The following ELP4 variants were observed in gnomAD, a reference collection of about 807,000 sequenced individuals.
ELP4 encodes elongator complex protein 4.
In ELP4, 51 loss-of-function variants were observed where a neutral mutation model predicts 48.9. The ratio of observed to expected loss-of-function variants is 1.04; its 90% CI spans 0.83 to 1.32. The LOEUF is 1.32. Ranked by LOEUF, ELP4 falls within the 40% of genes most tolerant of loss-of-function variation. ELP4 has a pLI of 0.00. For synonymous variants in ELP4, 210 were observed against 189.2 expected (o/e 1.11, Z -0.90); for missense variants, 519 against 514.6 (o/e 1.01, Z -0.08).
chr11:31,718,019 ACTC>A (rs1946877721), intron 9 of ELP4, among the ~76,000 whole-genome samples: 1 of 151,898 alleles, frequency 6.6e-6, no homozygotes, highest in South Asian at 2.1e-4. Flanking sequence ...CTGGTCTCAA[ACTC>A]CTCAACTCAA....
At chr11:31,742,653 C>T (rs571729649) in intron 9 of ELP4, among the ~76,000 whole-genome samples, 30 of 152,264 alleles carry the variant, frequency 2.0e-4, no homozygotes, top group Non-Finnish European at 3.7e-4. Flanking sequence ...CTAAACTAAG[C>T]TTCATAAGTG....
At chr11:31,546,938 G>A (rs1276561665) in intron 3 of ELP4, among the ~76,000 whole-genome samples, 13 of 152,106 alleles carry the variant, frequency 8.5e-5, no homozygotes, top group Admixed American at 8.5e-4. Flanking sequence ...TGAAACCAAC[G>A]AGAACAAAGA....
chr11:31,636,229 T>A (rs1196760860), intron 7 of ELP4, among the ~76,000 whole-genome samples: 1 of 151,970 alleles, frequency 6.6e-6, no homozygotes, highest in African/African-American at 2.4e-5. Context: ...GTAGTATATG[T>A]GAGTATATGA....
intron 5 of ELP4, among the ~76,000 whole-genome samples, chr11:31,621,836 T>A (rs1042005759): frequency 6.6e-6 from 1 of 151,870 alleles, no homozygotes; most frequent in African/African-American, 2.4e-5. Flanking sequence ...AGGCTTTTCA[T>A]TGAATCTAGA....
At chr11:31,732,887 A>T (rs950198433) in intron 9 of ELP4, among the ~76,000 whole-genome samples, 2 of 152,220 alleles carry the variant, frequency 1.3e-5, no homozygotes, top group African/African-American at 4.8e-5. Flanking sequence ...TGTTATATAA[A>T]TGTACCCAGC....
At chr11:31,757,687 A>G (rs1357019956) in intron 9 of ELP4, among the ~76,000 whole-genome samples, 1 of 152,174 alleles carries the variant, frequency 6.6e-6, no homozygotes, top group Non-Finnish European at 1.5e-5. Flanking sequence ...TCAGAGATGA[A>G]GTACTTCCAA....
chr11:31,521,995 TTTGCCTAGAGTTTAGTGCCTG>T (rs1956221340), intron 2 of ELP4, among the ~76,000 whole-genome samples: 2 of 152,138 alleles, frequency 1.3e-5, no homozygotes, highest in South Asian at 2.1e-4. Context: ...CTTCTGGAAA[TTTGCCTAGAGTTTAGTGCCTG>T]AGTATCCAGA....
At chr11:31,744,588 C>T (rs560644334) in intron 9 of ELP4, among the ~76,000 whole-genome samples, 27 of 152,276 alleles carry the variant, frequency 1.8e-4, no homozygotes, top group South Asian at 4.1e-4. Context: ...GTTCAACATA[C>T]GCAAATCAAT....
chr11:31,603,882 T>C lies in ELP4; in HGVS notation c.628T>C (p.Ser210Pro). 6.2e-7 allele frequency: 1 copy of C among 1,611,732 alleles called. No homozygotes were observed. Among genetic ancestry groups the C allele is most frequent in the South Asian group, 1.1e-5 (1 of 90,916 alleles). ...TGGATTTTTTCTTCCAGAGAAAATA[T>C]CTTCAACTCTCAAAGTAGAACCCTG... The part of the protein sequence containing the change: ...WHGFFLPEKI[S>P]STLKVEPCSL... Residue 210 changes from serine (S) to proline (P), a missense_variant, in exon 5 of 10, where the codon TCT becomes CCT. Ser to Pro is a moderately conservative substitution (Grantham distance 74). Transcript: ENST00000640961.
chr11:31,742,095 G>T (rs993587050), intron 9 of ELP4, among the ~76,000 whole-genome samples: 1 of 152,162 alleles, frequency 6.6e-6, no homozygotes, highest in Non-Finnish European at 1.5e-5. Flanking sequence ...GCTACATGAC[G>T]AATGCAGAAG....
At chr11:31,640,258 A>G (rs1038953027) in intron 7 of ELP4, among the ~76,000 whole-genome samples, 17 of 151,982 alleles carry the variant, frequency 1.1e-4, no homozygotes, top group South Asian at 6.2e-4. Context: ...TTATTTTACA[A>G]ATAAAATTAC....
chr11:31,731,641 C>T (rs1386835133), intron 9 of ELP4, among the ~76,000 whole-genome samples: 1 of 148,362 alleles, frequency 6.7e-6, no homozygotes, highest in Non-Finnish European at 1.5e-5. Flanking sequence ...CAGAAAGCTT[C>T]TTTAAAGAAA....
intron 9 of ELP4, among the ~76,000 whole-genome samples, chr11:31,706,428 C>A (rs990058159): frequency 6.6e-6 from 1 of 151,112 alleles, no homozygotes; most frequent in Admixed American, 6.6e-5. Context: ...GCCAGCACTT[C>A]AAGACCAGCC....
chr11:31,624,751 T>C (rs1592168700), intron 5 of ELP4, among the ~76,000 whole-genome samples: 1 of 151,960 alleles, frequency 6.6e-6, no homozygotes, highest in African/African-American at 2.4e-5. Flanking sequence ...TCTACTAAAA[T>C]ATTGTTTCTT....
chr11:31,517,066 G>A lies in ELP4; in HGVS notation c.224-2990G>A, dbSNP rs188841149. Among the ~76,000 whole-genome samples, 3 of 152,042 alleles carry A rather than the reference G, an allele frequency of 2.0e-5. No homozygotes were observed. In the East Asian group the frequency reaches 5.8e-4, roughly 29 times the overall value. ...TTGATGTTTAGCCTCACTGTAAATC[G>A]CTTAGCACAAGTCTCATGTTGCATA... On this transcript the variant is annotated intron_variant, in intron 1 of 9. Transcript: ENST00000640961.
intron 3 of ELP4, among the ~76,000 whole-genome samples, chr11:31,571,904 G>A (rs1957199187): frequency 6.6e-6 from 1 of 152,156 alleles, no homozygotes; most frequent in East Asian, 1.9e-4. Flanking sequence ...TTGTTGTTCT[G>A]TTTATAGAGC....
intron 9 of ELP4, among the ~76,000 whole-genome samples, chr11:31,735,630 C>T (rs1337018680): frequency 2.0e-5 from 3 of 152,168 alleles, no homozygotes; most frequent in Non-Finnish European, 4.4e-5. Flanking sequence ...AGCAAAGTCT[C>T]AGGATACAAA....
At chr11:31,638,307 A>C (rs1227840433) in intron 7 of ELP4, among the ~76,000 whole-genome samples, 2 of 151,884 alleles carry the variant, frequency 1.3e-5, no homozygotes, top group Admixed American at 6.6e-5. Context: ...TCTAGAGAAC[A>C]GTAGTTGGTA....
intron 2 of ELP4, among the ~76,000 whole-genome samples, chr11:31,537,212 T>A (rs749561487): frequency 2.6e-5 from 4 of 152,218 alleles, no homozygotes; most frequent in Non-Finnish European, 4.4e-5. Flanking sequence ...GAGGCAAGAT[T>A]GAAGTTTTTA....
Sources: allele counts gnomAD v4.1 joint callset (sites outside exome capture counted in the v4.1 genomes callset), GRCh38; gene constraint gnomAD v4.1.1; transcripts MANE v1.5; gene names NCBI Gene and HGNC (gene_info 2026-07-23, HGNC 2026-07-21).